CCDC57: variants seen among roughly 807,000 people sequenced by gnomAD.
The protein encoded by CCDC57 is coiled-coil domain-containing protein 57.
In CCDC57, 118 loss-of-function variants were observed where a neutral mutation model predicts 118.9. That is an observed-to-expected ratio of 0.99 (90% CI 0.86 to 1.16). CCDC57 has a LOEUF of 1.16. Ranked by LOEUF, CCDC57 falls within the 50% of genes most tolerant of loss-of-function variation. CCDC57 has a pLI of 0.00. For missense variants in CCDC57, 1,300 were observed against 1,320.7 expected, an observed-to-expected ratio of 0.98 and a Z score of 0.24; for synonymous variants, 527 against 532.9, an observed-to-expected ratio of 0.99 and a Z score of 0.15.
At chr17:82,110,438 AAAAC>A (rs1164185712) in intron 19 of CCDC57, among the ~76,000 whole-genome samples, 7 of 152,236 alleles carry the variant, frequency 4.6e-5, no homozygotes, top group African/African-American at 1.7e-4. Context: ...ATGTTCCTCA[AAAAC>A]AAACAAACCC....
chr17:82,134,148 C>T, exon 17 of CCDC57: 1 of 1,375,302 alleles, frequency 7.3e-7, no homozygotes, highest in Non-Finnish European at 9.4e-7. Flanking sequence ...CCTCGCCTGG[C>T]TTCCGGGCCT....
chr17:82,183,122 G>T (rs935147839), intron 9 of CCDC57, among the ~76,000 whole-genome samples: 2 of 152,142 alleles, frequency 1.3e-5, no homozygotes, highest in African/African-American at 2.4e-5. Flanking sequence ...ATTAGATTTG[G>T]GGGGGGACAT....
At chr17:82,205,295 C>T (rs2049487033) in intron 2 of CCDC57, among the ~76,000 whole-genome samples, 1 of 152,274 alleles carries the variant, frequency 6.6e-6, no homozygotes. Context: ...CTGCTGTGGC[C>T]CCCGTCCTGT....
chr17:82,175,840 G>A (rs570927792), intron 11 of CCDC57, among the ~76,000 whole-genome samples: 28 of 152,338 alleles, frequency 1.8e-4, no homozygotes, highest in Admixed American at 3.3e-4. Flanking sequence ...GAGATTCTGA[G>A]TGGAGATGCC....
chr17:82,128,576 C>T, exon 18 of CCDC57: 1 of 1,568,492 alleles, frequency 6.4e-7, no homozygotes, highest in Non-Finnish European at 8.7e-7. Context: ...GAAGGAGCCT[C>T]ATCCTCGGCA....
intron 18 of CCDC57, among the ~76,000 whole-genome samples, chr17:82,128,194 G>A (rs6502060): frequency 5.3e-5 from 8 of 152,284 alleles, no homozygotes; most frequent in South Asian, 4.2e-4. Flanking sequence ...GTTTCGTTTC[G>A]ATGGGGAATG....
In CCDC57 at chr17:82,164,988, T is replaced by C. The variant is rs561783428; in HGVS notation, c.1883-1631A>G. Among the ~76,000 whole-genome samples, 4 of 152,256 alleles carry C rather than the reference T, an allele frequency of 2.6e-5. No individual in the cohort carries two copies. The East Asian group carries it at 7.7e-4, about 29-fold the overall frequency. Reference sequence around the variant, plus strand: ...ATGAGAATTGAAAATTATGGGCCAGTCTTACTCATGAACATAAATGTGATA... The same window carrying C: ...ATGAGAATTGAAAATTATGGGCCAGCCTTACTCATGAACATAAATGTGATA... On this transcript the variant is annotated intron_variant, in intron 13 of 19. Transcript: ENST00000665763.
intron 13 of CCDC57, among the ~76,000 whole-genome samples, chr17:82,170,105 C>T (rs1267845967): frequency 1.3e-5 from 2 of 152,298 alleles, no homozygotes; most frequent in African/African-American, 4.8e-5. Context: ...CCAAAATTTA[C>T]GGGTTGAAGC....
intron 16 of CCDC57, among the ~76,000 whole-genome samples, chr17:82,148,799 ATGGATGGATGGGTGGGTGGG>A (rs2041364966): frequency 8.7e-5 from 2 of 22,986 alleles, no homozygotes; most frequent in South Asian, 2.6e-3. Context: ...TAGATGGTAG[ATGGATGGATGGGTGGGTGGG>A]TGGATGGATG....
In CCDC57 at chr17:82,212,524, G is replaced by T. The variant is rs369439783; in HGVS notation, c.-211+261C>A. On this transcript the variant is annotated intron_variant, in intron 1 of 19. Coordinates refer to ENST00000665763, the Ensembl canonical transcript of CCDC57. The surrounding 1 kb of genome is among the most constrained non-coding windows in gnomAD (Gnocchi z 4.1). The stretch of plus-strand genomic sequence containing the variant: ...GGGGCCCTGGTCGGCAGCGCCCACC[G>T]CCCCAGGTCACCCACGGGAGACCGA... 1.3e-5 allele frequency among the ~76,000 whole-genome samples: 2 copies of T among 149,714 alleles called. No individual in the cohort carries two copies. The highest frequency in any genetic ancestry group is 4.3e-4 in the South Asian group (2 of 4,644).
chr17:82,169,061 C>T (rs570602007), intron 13 of CCDC57, among the ~76,000 whole-genome samples: 2 of 151,978 alleles, frequency 1.3e-5, no homozygotes, highest in African/African-American at 4.8e-5. Flanking sequence ...TAGCTAGGGG[C>T]GATAATGCAA....
intron 16 of CCDC57, among the ~76,000 whole-genome samples, chr17:82,147,705 A>G (rs1232630938): frequency 7.8e-6 from 1 of 128,316 alleles, no homozygotes; most frequent in Non-Finnish European, 1.6e-5. Context: ...GGATGGATGG[A>G]TGGATAGATA....
intron 19 of CCDC57, chr17:82,126,611 G>A (rs1400753411): frequency 4.1e-6 from 4 of 985,256 alleles, no homozygotes; most frequent in Non-Finnish European, 3.6e-6. Context: ...CAAAAGTTCC[G>A]TGTGGCTACA....
Position 82,184,027 on chromosome 17 carries a change from GCGCGCACACACA to G in CCDC57, c.1053-107_1053-96del, listed in dbSNP as rs1449154090. 656 of 328,382 alleles carry G rather than the reference GCGCGCACACACA, an allele frequency of 2.0e-3. 3 individuals are homozygous for G. Among genetic ancestry groups the G allele is most frequent in the African/African-American group, 0.011 (361 of 31,704 alleles). The allele number at this position is 328,382 out of a possible 1,614,324, so 20.3% of individuals were successfully genotyped here. On this transcript the variant is annotated intron_variant, in intron 8 of 19. Transcript: ENST00000665763. ...CCAGCAAATACACATGCGCGCGCGCGCGCGCACACACACACACACACACACACACACACACAC... is the reference window on the plus strand; with the variant it reads ...CCAGCAAATACACATGCGCGCGCGCGCACACACACACACACACACACACAC...
At chr17:82,180,349 G>A (rs914883716) in intron 9 of CCDC57, among the ~76,000 whole-genome samples, 4 of 152,262 alleles carry the variant, frequency 2.6e-5, no homozygotes, top group African/African-American at 9.6e-5. Flanking sequence ...GAGACCCTGA[G>A]CCGGGAATGG....
intron 4 of CCDC57, 140 bp downstream of exon 3, chr17:82,198,174 C>T (rs1166454998): frequency 1.7e-6 from 1 of 584,706 alleles, no homozygotes; most frequent in South Asian, 2.2e-5. Flanking sequence ...TGGCATCTGC[C>T]CCAAAGACCC....
At chr17:82,152,857 T>A (rs1000300089) in intron 15 of CCDC57, among the ~76,000 whole-genome samples, 1 of 152,160 alleles carries the variant, frequency 6.6e-6, no homozygotes, top group Non-Finnish European at 1.5e-5. Flanking sequence ...CTGTATGCAG[T>A]GCCTCCGGGC....
rs148879474 is a variant in CCDC57, at chr17:82,193,932, C to A, written c.776+50G>T. ...AGAATCCCCCAGACTCCAGTCCTGG[C>A]CTGCGAGGCTGCCACAGAGCACGCC... On this transcript the variant is annotated intron_variant, in intron 6 of 19. Coordinates refer to ENST00000665763, the Ensembl canonical transcript of CCDC57. The A allele has an allele frequency of 7.4e-3, 11,695 of 1,583,424 alleles. 102 individuals carry two copies. Among genetic ancestry groups the A allele is most frequent in the Middle Eastern group, 0.024 (144 of 6,006 alleles).
intron 16 of CCDC57, among the ~76,000 whole-genome samples, chr17:82,142,598 C>T (rs553531024): frequency 1.3e-5 from 2 of 152,198 alleles, no homozygotes; most frequent in Admixed American, 6.5e-5. Context: ...AGGCGTGAGC[C>T]GCTATGCCCG....
Sources: allele counts gnomAD v4.1 joint callset (sites outside exome capture counted in the v4.1 genomes callset), GRCh38; gene constraint gnomAD v4.1.1; non-coding constraint Gnocchi (gnomAD v3.1); transcripts MANE v1.5; gene names NCBI Gene and HGNC (gene_info 2026-07-23, HGNC 2026-07-21).